F13A1: variants seen among roughly 807,000 people sequenced by gnomAD.
F13A1 encodes the protein FSF, A subunit.
F13A1 carries 47 observed loss-of-function variants against 80.1 expected under a neutral mutation model. That is an observed-to-expected ratio of 0.59 (90% CI 0.46 to 0.75). The LOEUF (loss-of-function observed/expected upper bound fraction) is 0.75, where lower values mean the gene tolerates loss of function less well. F13A1 is among the 30% of genes least tolerant of loss of function. The probability of loss-of-function intolerance (pLI) is 0.00; values close to 1 mark genes in which losing one functional copy is unlikely to be tolerated. For synonymous variants in F13A1, 349 were observed against 344.9 expected (o/e 1.01, Z -0.13); for missense variants, 817 against 930.4 (o/e 0.88, Z 1.59).
intron 13 of F13A1, among the ~76,000 whole-genome samples, chr6:6,161,551 T>TGTGTGA (rs1010361754): frequency 1.7e-4 from 25 of 146,274 alleles, no homozygotes; most frequent in Non-Finnish European, 3.0e-4. Context: ...TGTGTGTGTG[T>TGTGTGA]GAGAGAGAGA....
In F13A1 at chr6:6,266,615, G is replaced by C; in HGVS notation, c.514C>G (p.Arg172Gly). 1 of 1,614,210 alleles carries C rather than the reference G, an allele frequency of 6.2e-7. No individual in the cohort carries two copies. The highest frequency in any genetic ancestry group is 8.5e-7 in the Non-Finnish European group (1 of 1,180,038). The stretch of plus-strand genomic sequence containing the variant: ...TCTGTTTCTGGGTTTCGACTGGTTC[G>C]AAGTACGCCATAGGGAGTCCAGACA... ...VAVWTPYGVLRTSRNPETDTY... is the reference protein window; with the variant it reads ...VAVWTPYGVLGTSRNPETDTY... The change falls in exon 4 of 15, where the codon CGA becomes GGA. Residue 172 changes from arginine to glycine, a missense_variant. Transcript: ENST00000264870.
intron 6 of F13A1, among the ~76,000 whole-genome samples, chr6:6,241,074 G>A (rs938991215): frequency 5.9e-5 from 9 of 152,058 alleles, no homozygotes; most frequent in Non-Finnish European, 8.8e-5. Context: ...AAGGAACACC[G>A]GAGGCTTCTG....
intron 4 of F13A1, among the ~76,000 whole-genome samples, chr6:6,254,585 A>G (rs1400014220): frequency 1.3e-5 from 2 of 152,216 alleles, no homozygotes; most frequent in Non-Finnish European, 2.9e-5. Flanking sequence ...TATGCCATCA[A>G]TACATAAAAT....
At chr6:6,237,517 T>C (rs1010024477) in intron 6 of F13A1, among the ~76,000 whole-genome samples, 2 of 152,166 alleles carry the variant, frequency 1.3e-5, no homozygotes, top group Non-Finnish European at 2.9e-5. Flanking sequence ...TGCCTTGTTG[T>C]TGCTGGAAAT....
At chr6:6,195,960 C>T in intron 9 of F13A1, 75 bp from the exon 10 acceptor site, 3 of 1,299,776 alleles carry the variant, frequency 2.3e-6, no homozygotes, top group Non-Finnish European at 3.3e-6. Context: ...ATTCATGGCA[C>T]TGAGGGTGAC....
At chr6:6,276,083 A>G (rs1206686869) in intron 3 of F13A1, among the ~76,000 whole-genome samples, 3 of 152,176 alleles carry the variant, frequency 2.0e-5, no homozygotes, top group Non-Finnish European at 4.4e-5. Context: ...GGGAATAACA[A>G]CCACTTATAG....
chr6:6,170,689 A>T (rs1248988749), intron 12 of F13A1, among the ~76,000 whole-genome samples: 1 of 152,102 alleles, frequency 6.6e-6, no homozygotes, highest in Non-Finnish European at 1.5e-5. Flanking sequence ...AGTTATTCAG[A>T]TCTCCCAAGC....
At chr6:6,289,566 T>C (rs1213749928) in intron 3 of F13A1, among the ~76,000 whole-genome samples, 1 of 152,202 alleles carries the variant, frequency 6.6e-6, no homozygotes, top group Non-Finnish European at 1.5e-5. Flanking sequence ...TCCTATCATT[T>C]ATTAGTGAGA....
intron 11 of F13A1, among the ~76,000 whole-genome samples, chr6:6,175,368 C>G (rs1760864370): frequency 6.6e-6 from 1 of 152,218 alleles, no homozygotes; most frequent in Non-Finnish European, 1.5e-5. Flanking sequence ...TTGGGCCTGT[C>G]CCACTTGCTG....
At chr6:6,316,698 A>G (rs2180967) in intron 2 of F13A1, among the ~76,000 whole-genome samples, 20,202 of 152,130 alleles carry the variant, frequency 0.13, 1,687 homozygotes, top group African/African-American at 0.22. Context: ...CCTTGCTGGG[A>G]TATGATAAGT....
intron 13 of F13A1, among the ~76,000 whole-genome samples, chr6:6,153,623 G>A (rs1303467306): frequency 2.0e-5 from 3 of 152,162 alleles, no homozygotes; most frequent in East Asian, 1.9e-4. Flanking sequence ...AGGGGCAGAC[G>A]ATGGTCATGG....
chr6:6,230,393 T>C (rs1350234019), intron 6 of F13A1, among the ~76,000 whole-genome samples: 1 of 152,022 alleles, frequency 6.6e-6, no homozygotes, highest in African/African-American at 2.4e-5. Flanking sequence ...ACAGCTCCAG[T>C]GACCTAGAAA....
chr6:6,181,293 C>T (rs3024443), intron 11 of F13A1, among the ~76,000 whole-genome samples: 30,562 of 152,120 alleles, frequency 0.2, 3,680 homozygotes, highest in East Asian at 0.5. Context: ...TCCTGTCACT[C>T]GGACCAGGAC....
intron 12 of F13A1, among the ~76,000 whole-genome samples, chr6:6,172,654 C>CCT (rs1318593237): frequency 2.0e-5 from 3 of 152,002 alleles, no homozygotes; most frequent in African/African-American, 7.3e-5. Context: ...ACCATGTTGG[C>CCT]CAGGCTGGTC....
chr6:6,270,163 GC>G (rs1377458014), intron 3 of F13A1, among the ~76,000 whole-genome samples: 1 of 152,178 alleles, frequency 6.6e-6, no homozygotes, highest in Non-Finnish European at 1.5e-5. Context: ...ACAGTAGCTG[GC>G]CCTTACAGTA....
intron 13 of F13A1, among the ~76,000 whole-genome samples, chr6:6,163,979 A>AT (rs60129758): frequency 0.035 from 5,339 of 152,124 alleles, 308 homozygotes; most frequent in African/African-American, 0.12. Context: ...AGTACCAGTT[A>AT]TTTTTTGACT....
intron 4 of F13A1, among the ~76,000 whole-genome samples, chr6:6,260,371 G>A (rs3844194): frequency 0.32 from 48,177 of 152,074 alleles, 8,256 homozygotes; most frequent in African/African-American, 0.45. Flanking sequence ...GCCACCTCGG[G>A]CCACAATCTT....
At chr6:6,154,873 A>C (rs1328380252) in intron 13 of F13A1, among the ~76,000 whole-genome samples, 1 of 152,246 alleles carries the variant, frequency 6.6e-6, no homozygotes, top group Non-Finnish European at 1.5e-5. Flanking sequence ...CCACAGAGAC[A>C]TTATTGGCAA....
At chr6:6,216,705 C>A (rs1418574385) in intron 8 of F13A1, among the ~76,000 whole-genome samples, 1 of 146,332 alleles carries the variant, frequency 6.8e-6, no homozygotes, top group African/African-American at 2.7e-5. Context: ...AGAGCTTCTG[C>A]ACAGCAAAAG....
Sources: gnomAD v4.1 joint callset for allele counts (sites outside exome capture counted in the v4.1 genomes callset) on GRCh38, gnomAD v4.1.1 for gene constraint, MANE v1.5 for transcripts, NCBI Gene and HGNC (gene_info 2026-07-23, HGNC 2026-07-21) for gene names.